Variants in GRM8 observed in about 807,000 individuals in gnomAD.
GRM8 encodes glutamate metabotropic receptor 8, also known as metabotropic glutamate receptor 8.
A neutral mutation model predicts 87.2 loss-of-function variants in GRM8; 47 were observed. The ratio of observed to expected loss-of-function variants is 0.54; its 90% CI spans 0.43 to 0.69. The LOEUF (loss-of-function observed/expected upper bound fraction) is 0.69, where lower values mean the gene tolerates loss of function less well. GRM8 is among the 30% of genes least tolerant of loss of function. GRM8 has a pLI of 0.00. For synonymous variants in GRM8, 396 were observed against 404.5 expected (o/e 0.98, Z 0.25); for missense variants, 1,019 against 1,139.2 (o/e 0.89, Z 1.52).
At chr7:127,083,305 T>C (rs1357032766) in intron 3 of GRM8, among the ~76,000 whole-genome samples, 2 of 152,170 alleles carry the variant, frequency 1.3e-5, no homozygotes, top group Non-Finnish European at 2.9e-5. Flanking sequence ...CCTCACTCTG[T>C]ATACCCCATT....
intron 8 of GRM8, among the ~76,000 whole-genome samples, chr7:126,539,933 C>A (rs559044922): frequency 3.3e-5 from 5 of 151,092 alleles, no homozygotes; most frequent in Non-Finnish European, 7.4e-5. Context: ...GCAACAACAA[C>A]AAAAAAAATA....
At chr7:126,849,552 A>G (rs1233409904) in intron 6 of GRM8, among the ~76,000 whole-genome samples, 1 of 152,168 alleles carries the variant, frequency 6.6e-6, no homozygotes, top group African/African-American at 2.4e-5. Context: ...AAAGTTCTTC[A>G]TGCTGCTCAG....
At chr7:126,483,026 T>C (rs1430224394) in intron 9 of GRM8, among the ~76,000 whole-genome samples, 2 of 149,956 alleles carry the variant, frequency 1.3e-5, no homozygotes, top group East Asian at 2.0e-4. Context: ...TTTATGTGTA[T>C]ACTTATTTTA....
Position 126,533,876 on chromosome 7 carries a change from C to T in GRM8, c.1506G>A (p.Met502Ile), listed in dbSNP as rs981849529. Residue 502 changes from methionine (M) to isoleucine (I), a missense_variant, in exon 9 of 11, where the codon ATG becomes ATA. By Grantham distance (10) the Met-to-Ile change is conservative. Coordinates refer to ENST00000339582, the MANE Select transcript of GRM8 (RefSeq NM_000845.3). ...TNQLHLKVED[M>I]QWAHREHTHP... ...GAGTATGTTCTCTATGAGCCCACTG[C>T]ATGTCTTCCACCTGTGGGTATAAAA... is the stretch of plus-strand genomic sequence containing the variant. The T allele has an allele frequency of 1.9e-6, 3 of 1,611,160 alleles. No individual in the cohort carries two copies. Among genetic ancestry groups the T allele is most frequent in the South Asian group, 1.1e-5 (1 of 90,882 alleles).
At chr7:127,209,854 T>C (rs940268701) in intron 2 of GRM8, among the ~76,000 whole-genome samples, 2 of 152,064 alleles carry the variant, frequency 1.3e-5, no homozygotes, top group Non-Finnish European at 2.9e-5. Context: ...GAATATCCTA[T>C]AAAACAAAGC....
rs1348445839 is a variant in GRM8, at chr7:126,897,705, T to C, written c.1156+4837A>G. ...GGGAATTTTAAGTAGGATTAAGTAG[T>C]AGTAGCTTTCAGAACTCAGCAGCTC... is the stretch of plus-strand genomic sequence containing the variant. On this transcript the variant is annotated intron_variant, in intron 6 of 10. Coordinates refer to ENST00000339582, the MANE Select transcript of GRM8 (RefSeq NM_000845.3). Among the ~76,000 whole-genome samples the C allele has an allele frequency of 5.3e-5, 8 of 152,112 alleles. No individual in the cohort carries two copies. In the South Asian group the frequency reaches 6.2e-4, roughly 12 times the overall value.
chr7:126,594,954 T>C (rs1797020896), intron 8 of GRM8, among the ~76,000 whole-genome samples: 1 of 152,136 alleles, frequency 6.6e-6, no homozygotes, highest in East Asian at 1.9e-4. Flanking sequence ...TCTTCATAAC[T>C]ATTTTACAGG....
intron 6 of GRM8, among the ~76,000 whole-genome samples, chr7:126,819,498 A>T (rs1794106847): frequency 6.6e-6 from 1 of 152,196 alleles, no homozygotes; most frequent in Non-Finnish European, 1.5e-5. Flanking sequence ...CTTAGTCTTC[A>T]TCATATTAAT....
chr7:126,661,747 A>G (rs962273211), intron 7 of GRM8, among the ~76,000 whole-genome samples: 6 of 152,220 alleles, frequency 3.9e-5, no homozygotes, highest in Non-Finnish European at 8.8e-5. Context: ...AATTGGAAAT[A>G]TACAAGCATC....
rs200768078 is a variant in GRM8 at position 126,794,420 on chromosome 7, G to GTCA, written c.1157-24358_1157-24356dup. Among the ~76,000 whole-genome samples the GTCA allele has an allele frequency of 8.6e-3, 1,307 of 152,036 alleles. 20 individuals are homozygous for GTCA. The highest frequency in any genetic ancestry group is 0.021 in the Admixed American group (316 of 15,258). Reference sequence around the variant, plus strand: ...ATGGGGTCCTTAAAGTTAACATACTGTCATCACAGACCCATTTTCCAATTC... The same window carrying GTCA: ...ATGGGGTCCTTAAAGTTAACATACTGTCATCATCACAGACCCATTTTCCAATTC... On this transcript the variant is annotated intron_variant, in intron 6 of 10. Coordinates refer to ENST00000339582, the MANE Select transcript of GRM8 (RefSeq NM_000845.3).
intron 2 of GRM8, among the ~76,000 whole-genome samples, chr7:127,125,374 T>C (rs954935592): frequency 1.3e-5 from 2 of 152,022 alleles, no homozygotes; most frequent in South Asian, 4.1e-4. Flanking sequence ...TCTCAACAAA[T>C]GGTGCTAGAA....
At chr7:126,909,005 C>A (rs1373523357) in intron 3 of GRM8, among the ~76,000 whole-genome samples, 1 of 152,186 alleles carries the variant, frequency 6.6e-6, no homozygotes, top group African/African-American at 2.4e-5. Flanking sequence ...TCATATCAGT[C>A]AAAAACCAGA....
chr7:126,940,286 C>G (rs1307804151), intron 3 of GRM8, among the ~76,000 whole-genome samples: 1 of 152,174 alleles, frequency 6.6e-6, no homozygotes, highest in Non-Finnish European at 1.5e-5. Flanking sequence ...TTTGCCCTGG[C>G]TAATGCATTT....
intron 7 of GRM8, among the ~76,000 whole-genome samples, chr7:126,691,325 A>G (rs1808784099): frequency 6.6e-6 from 1 of 152,164 alleles, no homozygotes; most frequent in Non-Finnish European, 1.5e-5. Context: ...CTCTGAAATC[A>G]GAGCAGGCAC....
intron 6 of GRM8, among the ~76,000 whole-genome samples, chr7:126,820,683 C>G (rs1201020731): frequency 6.6e-6 from 1 of 152,154 alleles, no homozygotes; most frequent in Non-Finnish European, 1.5e-5. Flanking sequence ...TGTTCTTTAC[C>G]AGTTCTTTCT....
At chr7:127,162,125 T>TATGTTCTG (rs1177320689) in intron 2 of GRM8, among the ~76,000 whole-genome samples, 1 of 152,186 alleles carries the variant, frequency 6.6e-6, no homozygotes, top group African/African-American at 2.4e-5. Flanking sequence ...AAGATCCTCT[T>TATGTTCTG]ATGTTCTGAA....
At chr7:126,984,685 A>G (rs1373834418) in intron 3 of GRM8, among the ~76,000 whole-genome samples, 1 of 152,090 alleles carries the variant, frequency 6.6e-6, no homozygotes, top group Non-Finnish European at 1.5e-5. Context: ...AATATGTCCT[A>G]TTAGTTCTGT....
At chr7:126,817,824 A>C (rs1793931350) in intron 6 of GRM8, among the ~76,000 whole-genome samples, 1 of 152,188 alleles carries the variant, frequency 6.6e-6, no homozygotes, top group Non-Finnish European at 1.5e-5. Flanking sequence ...TGTCCTTTTA[A>C]AAGGATAAAA....
chr7:126,569,200 G>A (rs2150981551), intron 8 of GRM8, among the ~76,000 whole-genome samples: 2 of 152,142 alleles, frequency 1.3e-5, no homozygotes, highest in Middle Eastern at 3.4e-3. Context: ...AAATCAGTGG[G>A]CCATCTAAAG....
Sources: gnomAD v4.1 joint callset for allele counts (sites outside exome capture counted in the v4.1 genomes callset) on GRCh38, gnomAD v4.1.1 for gene constraint, MANE v1.5 for transcripts, NCBI Gene and HGNC (gene_info 2026-07-23, HGNC 2026-07-21) for gene names.